Variants in C15orf40 observed in about 807,000 individuals in gnomAD.
C15orf40 encodes the protein UPF0235 protein C15orf40.
In C15orf40, 9 loss-of-function variants were observed where a neutral mutation model predicts 13.9. That is an observed-to-expected ratio of 0.65 (90% CI 0.39 to 1.13). C15orf40 has a LOEUF of 1.13. Among genes scored for constraint, C15orf40 ranks in the 50% most tolerant of loss-of-function variants. C15orf40 has a pLI of 0.01. For synonymous variants in C15orf40, 95 were observed against 69.2 expected (o/e 1.37, Z -1.85); for missense variants, 225 against 188.5 (o/e 1.19, Z -1.13).
chr15:83,002,240 A>AT lies in C15orf40; in HGVS notation c.*3356dup, dbSNP rs1194355373. On this transcript the variant is annotated 3_prime_UTR_variant, in exon 4 of 4. Transcript: ENST00000304177. ...TAGTTTTTGATGACAGAGTGTCCCC[A>AT]TATCTTCTTTGTTACAAGATACTGC... The AT allele has an allele frequency of 2.0e-5, 3 of 152,148 alleles. 1 individual carries two copies. The highest frequency in any genetic ancestry group is 4.4e-5 in the Non-Finnish European group (3 of 68,028). The allele number at this position is 152,148 out of a possible 1,614,324, so 9.4% of individuals were successfully genotyped here. A position where few individuals can be genotyped will look rare whatever the true frequency, so the allele number is the denominator to read the frequency against.
At position 82,995,028 on chromosome 15, in the gene C15orf40, A is replaced by G. The variant is rs965173948; in HGVS notation, c.*10569T>C. 7 of 152,246 alleles carry G rather than the reference A, an allele frequency of 4.6e-5. No individual in the cohort carries two copies. The highest frequency in any genetic ancestry group is 1.7e-4 in the African/African-American group (7 of 41,464). The allele number at this position is 152,246 out of a possible 1,614,324, so 9.4% of individuals were successfully genotyped here. On this transcript the variant is annotated 3_prime_UTR_variant, in exon 4 of 4. Transcript: ENST00000304177. ...AAAGATTTCTCCTGACATCTGCTGT[A>G]TTAAATTATTATAGAATGAAATAAA...
chr15:83,007,160 C>A (rs888338814), intron 3 of C15orf40, among the ~76,000 whole-genome samples: 1 of 152,218 alleles, frequency 6.6e-6, no homozygotes, highest in Non-Finnish European at 1.5e-5. Context: ...TGACTTTGAT[C>A]TCCACCCCTA....
intron 3 of C15orf40, 132 bp from the exon 4 acceptor site, chr15:83,005,824 A>T (rs1014116602): frequency 9.3e-6 from 12 of 1,295,066 alleles, no homozygotes; most frequent in Non-Finnish European, 1.2e-5. Flanking sequence ...ACCAAAGACT[A>T]TCTCTTAGAT....
downstream of C15orf40, chr15:82,989,859 C>T: frequency 6.2e-7 from 1 of 1,606,616 alleles, no homozygotes; most frequent in Non-Finnish European, 8.5e-7. Flanking sequence ...GTTTAAAGAT[C>T]TTTTTTGTTT....
downstream of C15orf40, chr15:82,990,795 T>C: frequency 1.5e-6 from 1 of 684,918 alleles, no homozygotes; most frequent in Non-Finnish European, 2.6e-6. Flanking sequence ...TAAGAAAGTT[T>C]AACTCTGTAC....
At chr15:82,993,367 T>A (rs1384312360), downstream of C15orf40, among the ~76,000 whole-genome samples, 2 of 152,130 alleles carry the variant, frequency 1.3e-5, no homozygotes, top group African/African-American at 4.8e-5. Context: ...GGGCAGAAGA[T>A]GAGGTAGGGC....
In C15orf40 at chr15:83,011,501, G is replaced by T; in HGVS notation, c.107C>A (p.Thr36Asn). Residue 36 changes from threonine to asparagine, a missense_variant, in exon 1 of 4, where the codon ACC (threonine) becomes AAC (asparagine). Transcript: ENST00000304177. ...AEMPKKAGAT[T>N]KGKSQSKEPE... Reference sequence around the variant, plus strand: ...GCCACGGGACCTGCTACTGGCCTTGGTCGTCGCACCAGCCTTCTTAGGCAT... The same window carrying T: ...GCCACGGGACCTGCTACTGGCCTTGTTCGTCGCACCAGCCTTCTTAGGCAT... 1 of 1,604,862 alleles carries T rather than the reference G, an allele frequency of 6.2e-7. No homozygotes were observed. The highest frequency in any genetic ancestry group is 8.5e-7 in the Non-Finnish European group (1 of 1,177,340).
At position 83,010,371 on chromosome 15, in the gene C15orf40, GA is replaced by G; in HGVS notation, c.112-9del. 6.2e-7 allele frequency: 1 copy of G among 1,614,000 alleles called. No individual in the cohort carries two copies. Among genetic ancestry groups the G allele is most frequent in the Non-Finnish European group, 8.5e-7 (1 of 1,179,938 alleles). ...CTTGCTCTGGCTTTTACCCTAAAAT[GA>G]CAACCACACAACTTTACAGGTTACA... On this transcript the variant is annotated splice_polypyrimidine_tract_variant and intron_variant, in intron 1 of 3. Coordinates refer to ENST00000304177, the MANE Select transcript of C15orf40 (RefSeq NM_144597.3).
In C15orf40 at chr15:82,996,822, A is replaced by G. The variant is rs909191113; in HGVS notation, c.*8775T>C. 3.2e-4 allele frequency: 48 copies of G among 151,504 alleles called. No individual in the cohort carries two copies. The highest frequency in any genetic ancestry group is 2.9e-3 in the Admixed American group (44 of 15,224). The allele number at this position is 151,504 out of a possible 1,614,324, so 9.4% of individuals were successfully genotyped here. A position where few individuals can be genotyped will look rare whatever the true frequency, so the allele number is the denominator to read the frequency against. ...GGAGTCTGAGACCAGCCTGGCCAAC[A>G]TGGTGAAACCCCGTCTCTACTAAAA... On this transcript the variant is annotated 3_prime_UTR_variant, in exon 4 of 4. Coordinates refer to ENST00000304177, the MANE Select transcript of C15orf40 (RefSeq NM_144597.3).
intron 3 of C15orf40, chr15:83,008,318 AGACCAGCCT>A (rs1487887116): frequency 2.9e-5 from 13 of 447,094 alleles, no homozygotes; most frequent in African/African-American, 2.2e-4. Context: ...CAGGAGTTCA[AGACCAGCCT>A]GACCAACATG....
At chr15:82,989,926 G>A (rs745561686), downstream of C15orf40, 33 of 1,612,258 alleles carry the variant, frequency 2.0e-5, no homozygotes, top group African/African-American at 2.1e-4. Flanking sequence ...ACAGATGGGG[G>A]TGGCCAAGTG....
chr15:83,010,132 GA>G, intron 2 of C15orf40, 104 bp downstream of exon 2: 1 of 1,455,396 alleles, frequency 6.9e-7, no homozygotes, highest in South Asian at 1.4e-5. Context: ...CTGCAGATGT[GA>G]AAAATCAACT....
At chr15:82,991,882 C>T (rs759166796), downstream of C15orf40, 3 of 1,288,442 alleles carry the variant, frequency 2.3e-6, no homozygotes, top group Non-Finnish European at 3.0e-6. Flanking sequence ...AATGTCCTGA[C>T]TACACCCCAG....
chr15:83,005,648 T>C lies in C15orf40; in HGVS notation c.411A>G (p.Thr137=). The change falls in exon 4 of 4, where the codon ACA becomes ACG. Residue 137 remains threonine, a synonymous_variant. Coordinates refer to ENST00000304177, the MANE Select transcript of C15orf40 (RefSeq NM_144597.3). ...ATTTCTCCAAGATCTCTTCTGGAGTTGTAGAAGCCAAAAGCTTCACCACCT... is the reference window on the plus strand; with the variant it reads ...ATTTCTCCAAGATCTCTTCTGGAGTCGTAGAAGCCAAAAGCTTCACCACCT... ...REKVVKLLAS[T]TPEEILEKLK... The C allele has an allele frequency of 1.9e-6, 3 of 1,612,704 alleles. No individual in the cohort carries two copies. Among genetic ancestry groups the C allele is most frequent in the Middle Eastern group, 1.7e-4 (1 of 6,058 alleles).
rs1473562992 is a variant in C15orf40, at chr15:82,996,208, C to CA, written c.*9388_*9389insT. On this transcript the variant is annotated 3_prime_UTR_variant, in exon 4 of 4. Coordinates refer to ENST00000304177, the MANE Select transcript of C15orf40 (RefSeq NM_144597.3). ...GATCTCATGGTTTTTTTCCACTGCT[C>CA]GTGCCTTTAACTCCCTAAAGAATCT... 3.9e-5 allele frequency: 6 copies of CA among 152,142 alleles called. No individual in the cohort carries two copies. The highest frequency in any genetic ancestry group is 1.4e-4 in the African/African-American group (6 of 41,410). The allele number at this position is 152,142 out of a possible 1,614,324, so 9.4% of individuals were successfully genotyped here.
chr15:83,006,956 G>T (rs2031720270), intron 3 of C15orf40, among the ~76,000 whole-genome samples: 1 of 152,186 alleles, frequency 6.6e-6, no homozygotes, highest in Non-Finnish European at 1.5e-5. Context: ...CATTCAAATG[G>T]ATTTTTAGGT....
downstream of C15orf40, chr15:82,989,259 G>A: frequency 9.2e-6 from 14 of 1,516,268 alleles, no homozygotes; most frequent in Non-Finnish European, 1.3e-5. Context: ...TAGACTGGAA[G>A]GCCAGTGAGG....
At position 82,997,209 on chromosome 15, in the gene C15orf40, TATTTA is replaced by T. The variant is rs924982115; in HGVS notation, c.*8383_*8387del. 4 of 118,914 alleles carry T rather than the reference TATTTA, an allele frequency of 3.4e-5. No individual in the cohort carries two copies. Among genetic ancestry groups the T allele is most frequent in the African/African-American group, 1.5e-4 (4 of 26,384 alleles). 7.4% of individuals were successfully genotyped at this position (118,914 alleles called of 1,614,324 possible). A position where few individuals can be genotyped will look rare whatever the true frequency, so the allele number is the denominator to read the frequency against. The stretch of plus-strand genomic sequence containing the variant: ...TATGCTTTTGTTTTTCATTTTTATT[TATTTA>T]TTTTTATTTTTTTTTAATTTATTTT... On this transcript the variant is annotated 3_prime_UTR_variant, in exon 4 of 4. Coordinates refer to ENST00000304177, the MANE Select transcript of C15orf40 (RefSeq NM_144597.3).
intron 1 of C15orf40, chr15:83,011,099 C>G (rs2031983628): frequency 5.7e-6 from 1 of 174,972 alleles, no homozygotes; most frequent in African/African-American, 2.4e-5. Flanking sequence ...GTGCTGTATT[C>G]TTGACAGAAG....
Sources: allele counts gnomAD v4.1 joint callset (sites outside exome capture counted in the v4.1 genomes callset), GRCh38; gene constraint gnomAD v4.1.1; transcripts MANE v1.5; gene names NCBI Gene and HGNC (gene_info 2026-07-23, HGNC 2026-07-21).